Variants in DISC1 observed in about 807,000 individuals in gnomAD.
The protein encoded by DISC1 is disrupted in schizophrenia 1 protein.
DISC1 carries 57 observed loss-of-function variants against 84.5 expected under a neutral mutation model. That is an observed-to-expected ratio of 0.67 (90% confidence interval 0.55 to 0.84). The LOEUF is 0.84. Ranked by LOEUF, DISC1 falls within the 40% of genes least tolerant of loss-of-function variation. The probability of loss-of-function intolerance (pLI) is 0.00; values close to 1 mark genes in which losing one functional copy is unlikely to be tolerated. For synonymous variants in DISC1, 411 were observed against 415.2 expected (o/e 0.99, Z 0.12); for missense variants, 1,000 against 1,057.8 (o/e 0.95, Z 0.76).
At chr1:231,705,219 C>T (rs1384841244) in intron 3 of DISC1, among the ~76,000 whole-genome samples, 2 of 129,988 alleles carry the variant, frequency 1.5e-5, no homozygotes, top group African/African-American at 5.8e-5. Context: ...ACCCGGGAGG[C>T]GGAGGTTGCA....
At position 231,872,199 on chromosome 1, in the gene DISC1, T is replaced by C. The variant is rs569494637; in HGVS notation, c.1981+53682T>C. 7.2e-5 allele frequency among the ~76,000 whole-genome samples: 11 copies of C among 152,352 alleles called. No individual in the cohort carries two copies. In the South Asian group the frequency reaches 2.3e-3, roughly 32 times the overall value. On this transcript the variant is annotated intron_variant, in intron 9 of 12. Transcript: ENST00000439617. ...ACTTTCACTTTAGTACTTGATCACTTACCCTATTGAATTATGTAAGTACTT... is the reference window on the plus strand; with the variant it reads ...ACTTTCACTTTAGTACTTGATCACTCACCCTATTGAATTATGTAAGTACTT...
chr1:231,699,000 C>A lies in DISC1; in HGVS notation c.1048-2955C>A, dbSNP rs941831902. ...TAGGACAGGCTAGTAACAGGCACTA[C>A]GTTAGAGGCTCAACACAACAAAATT... is the stretch of plus-strand genomic sequence containing the variant. On this transcript the variant is annotated intron_variant, in intron 2 of 12. Coordinates refer to ENST00000439617, the MANE Select transcript of DISC1 (RefSeq NM_018662.3). The surrounding 1 kb of genome is among the most constrained non-coding windows in gnomAD (Gnocchi z 4.9). Among the ~76,000 whole-genome samples, 1 of 152,122 alleles carries A rather than the reference C, an allele frequency of 6.6e-6. No individual in the cohort carries two copies. The highest frequency in any genetic ancestry group is 2.1e-4 in the South Asian group (1 of 4,830).
intron 1 of DISC1, among the ~76,000 whole-genome samples, chr1:231,676,777 C>T (rs12134895): frequency 0.025 from 3,783 of 152,260 alleles, 84 homozygotes; most frequent in South Asian, 0.083. Context: ...AGCTCTATTC[C>T]CTCAGCAAGA....
In DISC1 at chr1:231,966,783, C is replaced by T. The variant is rs76900113; in HGVS notation, c.2042+7895C>T. On this transcript the variant is annotated intron_variant, in intron 10 of 12. Coordinates refer to ENST00000439617, the MANE Select transcript of DISC1 (RefSeq NM_018662.3). ...GTCCTTGTCCTCTAGTGAACCTTTA[C>T]CACAAACTCTCGAGCACTTAGTGGA... 3.6e-3 allele frequency among the ~76,000 whole-genome samples: 552 copies of T among 152,332 alleles called. 4 individuals carry two copies. Among genetic ancestry groups the T allele is most frequent in the African/African-American group, 0.013 (527 of 41,582 alleles).
chr1:232,025,639 C>T (rs1404874612), intron 11 of DISC1, among the ~76,000 whole-genome samples: 8 of 150,036 alleles, frequency 5.3e-5, no homozygotes, highest in African/African-American at 2.0e-4. Flanking sequence ...CTCTGTCGCC[C>T]AGGCTGGAGT....
chr1:231,799,249 A>G (rs948651461), intron 7 of DISC1, among the ~76,000 whole-genome samples: 8 of 152,084 alleles, frequency 5.3e-5, no homozygotes, highest in African/African-American at 1.9e-4. Flanking sequence ...TTACTTGTCT[A>G]TTTTTCAAAT....
chr1:232,015,119 G>A (rs992706140), intron 11 of DISC1, among the ~76,000 whole-genome samples: 2 of 152,114 alleles, frequency 1.3e-5, no homozygotes, highest in Non-Finnish European at 2.9e-5. Context: ...TGTTTCTTCT[G>A]TTCAGTGAGC....
chr1:231,720,931 T>C (rs1166558126), intron 3 of DISC1: 1 of 1,290,848 alleles, frequency 7.7e-7, no homozygotes, highest in African/African-American at 1.5e-5. Context: ...ACAGGTAATT[T>C]ACTTTACCTC....
intron 10 of DISC1, among the ~76,000 whole-genome samples, chr1:231,965,738 T>C (rs1661017180): frequency 6.6e-6 from 1 of 152,218 alleles, no homozygotes; most frequent in African/African-American, 2.4e-5. Context: ...TTCCCTACAT[T>C]AACTGTGCTC....
Position 231,816,376 on chromosome 1 carries a change from C to A in DISC1, c.1793-1953C>A, listed in dbSNP as rs150878682. The stretch of plus-strand genomic sequence containing the variant: ...GCAATGATTTTCTCCAAGTCTGTGA[C>A]TTGTCGTCTCATTTTTTAGTTGTGT... On this transcript the variant is annotated intron_variant, in intron 8 of 12. Coordinates refer to ENST00000439617, the MANE Select transcript of DISC1 (RefSeq NM_018662.3). 1.5e-3 allele frequency among the ~76,000 whole-genome samples: 226 copies of A among 152,250 alleles called. 3 individuals carry two copies. Among genetic ancestry groups the A allele is most frequent in the African/African-American group, 5.1e-3 (214 of 41,558 alleles).
At chr1:231,809,353 G>C (rs1441791702) in intron 8 of DISC1, among the ~76,000 whole-genome samples, 1 of 152,046 alleles carries the variant, frequency 6.6e-6, no homozygotes, top group East Asian at 1.9e-4. Flanking sequence ...AGAGACATCT[G>C]CCTGGTTCTT....
intron 3 of DISC1, among the ~76,000 whole-genome samples, chr1:231,741,663 C>T (rs952212840): frequency 1.3e-5 from 2 of 152,082 alleles, no homozygotes; most frequent in Admixed American, 6.6e-5. Context: ...GCAGGGTTGG[C>T]AGGACCGGAG....
At chr1:231,993,189 A>G (rs914324061) in intron 10 of DISC1, among the ~76,000 whole-genome samples, 3 of 152,102 alleles carry the variant, frequency 2.0e-5, no homozygotes, top group Non-Finnish European at 2.9e-5. Context: ...TGCATCTGTA[A>G]TTAGAAACCT....
intron 9 of DISC1, among the ~76,000 whole-genome samples, chr1:231,846,586 G>A (rs2083463631): frequency 6.6e-6 from 1 of 152,182 alleles, no homozygotes; most frequent in African/African-American, 2.4e-5. Flanking sequence ...GACAAAGGCA[G>A]GTAGACACTC....
chr1:231,995,514 C>T (rs1340540783), intron 10 of DISC1, among the ~76,000 whole-genome samples: 1 of 151,934 alleles, frequency 6.6e-6, no homozygotes, highest in East Asian at 1.9e-4. Flanking sequence ...CAACAGTCCC[C>T]AGAGTGTGAT....
intron 1 of DISC1, among the ~76,000 whole-genome samples, chr1:231,676,840 GT>G (rs1467905995): frequency 6.6e-6 from 1 of 152,144 alleles, no homozygotes; most frequent in Non-Finnish European, 1.5e-5. Flanking sequence ...TTTATAGTTT[GT>G]TTTAGCTATT....
At chr1:231,725,546 AAC>A (rs1252105579) in intron 3 of DISC1, among the ~76,000 whole-genome samples, 1 of 152,198 alleles carries the variant, frequency 6.6e-6, no homozygotes, top group African/African-American at 2.4e-5. Flanking sequence ...AGTGGGAATA[AAC>A]ACAGTTCCGA....
chr1:231,952,326 G>A (rs1480760519), intron 9 of DISC1, among the ~76,000 whole-genome samples: 1 of 152,032 alleles, frequency 6.6e-6, no homozygotes, highest in African/African-American at 2.4e-5. Context: ...CCCTGACAAT[G>A]AGAAATGAAT....
intron 4 of DISC1, among the ~76,000 whole-genome samples, chr1:231,754,970 G>A (rs951096435): frequency 6.6e-6 from 1 of 152,020 alleles, no homozygotes; most frequent in African/African-American, 2.4e-5. Flanking sequence ...CCTGATTTCT[G>A]TCTCTATCAC....
Sources: gnomAD v4.1 joint callset for allele counts (sites outside exome capture counted in the v4.1 genomes callset) on GRCh38, gnomAD v4.1.1 for gene constraint, Gnocchi (gnomAD v3.1) non-coding constraint, MANE v1.5 for transcripts, NCBI Gene and HGNC (gene_info 2026-07-23, HGNC 2026-07-21) for gene names.